GAB1: variants seen among roughly 807,000 people sequenced by gnomAD.
GAB1 encodes the protein GRB2 associated binding protein 1.
GAB1 carries 19 observed loss-of-function variants against 66.5 expected under a neutral mutation model. The ratio of observed to expected loss-of-function variants is 0.29; its 90% CI spans 0.20 to 0.42. GAB1 has a LOEUF of 0.42. GAB1 is among the 10% of genes least tolerant of loss of function. The probability of loss-of-function intolerance (pLI) is 1.00; values close to 1 mark genes in which losing one functional copy is unlikely to be tolerated. For missense variants in GAB1, 732 were observed against 858.5 expected (o/e 0.85, Z 1.84); for synonymous variants, 294 against 301.4 (o/e 0.98, Z 0.25).
intron 1 of GAB1, among the ~76,000 whole-genome samples, chr4:143,358,664 T>G (rs1581224023): frequency 6.6e-6 from 1 of 152,328 alleles, no homozygotes; most frequent in East Asian, 1.9e-4. Context: ...AGCATGTGTG[T>G]GTGAGAAGAA....
chr4:143,337,142 C>A lies in GAB1; in HGVS notation c.-47C>A. 2.0e-6 allele frequency: 3 copies of A among 1,526,528 alleles called. No individual in the cohort carries two copies. Among genetic ancestry groups the A allele is most frequent in the Non-Finnish European group, 2.7e-6 (3 of 1,127,156 alleles). The allele number at this position is 1,526,528 out of a possible 1,614,324, so 94.6% of individuals were successfully genotyped here. A position where few individuals can be genotyped will look rare whatever the true frequency, so the allele number is the denominator to read the frequency against. ...AGGCGTCGGCTGTGTCGGGAGCGCG[C>A]CCGCCGCCCCTCAGCTGCCCGGCCC... On this transcript the variant is annotated 5_prime_UTR_variant, in exon 1 of 10. Transcript: ENST00000262994.
intron 2 of GAB1, among the ~76,000 whole-genome samples, chr4:143,419,354 C>T (rs1174009564): frequency 1.3e-5 from 2 of 152,024 alleles, no homozygotes; most frequent in Non-Finnish European, 2.9e-5. Flanking sequence ...GATTCATAAG[C>T]GCTCTGCTAA....
intron 1 of GAB1, among the ~76,000 whole-genome samples, chr4:143,402,056 A>G (rs1490772387): frequency 7.3e-6 from 1 of 137,198 alleles, no homozygotes; most frequent in African/African-American, 2.5e-5. Flanking sequence ...TTATGTTTGC[A>G]GGGTTTTTTT....
In GAB1 at chr4:143,440,147, G is replaced by C; in HGVS notation, c.1350G>C (p.Met450Ile). ...SEELDENYVP[M>I]NPNSPPRQHS... ...AACTGGATGAAAATTACGTCCCAAT[G>C]AATCCCAATTCACCACCACGACAAC... is the stretch of plus-strand genomic sequence containing the variant. Residue 450 changes from methionine (M) to isoleucine (I), a missense_variant, in exon 6 of 10, where the codon ATG becomes ATC. Met to Ile is a conservative substitution (Grantham distance 10). Transcript: ENST00000262994. 6.2e-7 allele frequency: 1 copy of C among 1,614,168 alleles called. No homozygotes were observed. Among genetic ancestry groups the C allele is most frequent in the Non-Finnish European group, 8.5e-7 (1 of 1,180,014 alleles).
intron 1 of GAB1, among the ~76,000 whole-genome samples, chr4:143,355,291 A>C (rs993119661): frequency 7.2e-5 from 11 of 152,116 alleles, no homozygotes; most frequent in Non-Finnish European, 1.3e-4. Flanking sequence ...CCATTTCTAT[A>C]TCCACCTCCA....
intron 1 of GAB1, among the ~76,000 whole-genome samples, chr4:143,386,572 G>T (rs1371555396): frequency 6.6e-6 from 1 of 151,972 alleles, no homozygotes; most frequent in Non-Finnish European, 1.5e-5. Flanking sequence ...ATTTTTTATA[G>T]GGATGAAGTC....
intron 1 of GAB1, among the ~76,000 whole-genome samples, chr4:143,361,895 C>T (rs1427331583): frequency 6.7e-6 from 1 of 149,800 alleles, no homozygotes; most frequent in Non-Finnish European, 1.5e-5. Context: ...GAGTTTTCAG[C>T]TTTTGAAGTG....
intron 1 of GAB1, among the ~76,000 whole-genome samples, chr4:143,399,058 C>G (rs1375628495): frequency 1.3e-5 from 2 of 152,160 alleles, no homozygotes; most frequent in African/African-American, 4.8e-5. Flanking sequence ...GTGTCTTTTA[C>G]TTTACCTGTT....
At chr4:143,423,836 ATG>A (rs1733177973) in intron 2 of GAB1, among the ~76,000 whole-genome samples, 5 of 112,302 alleles carry the variant, frequency 4.5e-5, no homozygotes, top group South Asian at 3.0e-4. Flanking sequence ...ATATATATAT[ATG>A]TCTTCACGTG....
intron 1 of GAB1, among the ~76,000 whole-genome samples, chr4:143,397,354 T>C (rs981921040): frequency 2.0e-5 from 3 of 152,220 alleles, no homozygotes; most frequent in African/African-American, 7.2e-5. Context: ...GCAGGCATTT[T>C]TACAATATAG....
chr4:143,390,793 G>A (rs906493718), intron 1 of GAB1, among the ~76,000 whole-genome samples: 1 of 152,068 alleles, frequency 6.6e-6, no homozygotes. Flanking sequence ...AGAAATTCAG[G>A]CACCCAGATT....
intron 1 of GAB1, among the ~76,000 whole-genome samples, chr4:143,406,763 CTTTG>C (rs1398551042): frequency 2.0e-5 from 3 of 152,366 alleles, no homozygotes; most frequent in East Asian, 1.9e-4. Context: ...GCATGTTTAA[CTTTG>C]TTTGGCTCCC....
intron 2 of GAB1, chr4:143,425,372 C>G (rs1733284262): frequency 1.3e-6 from 1 of 759,974 alleles, no homozygotes; most frequent in Admixed American, 1.7e-5. Flanking sequence ...CTGGAACCTT[C>G]AGATGCAGAC....
chr4:143,443,763 A>G (rs1371241576), intron 6 of GAB1, among the ~76,000 whole-genome samples: 1 of 152,218 alleles, frequency 6.6e-6, no homozygotes, highest in African/African-American at 2.4e-5. Context: ...GGAAGGATCT[A>G]TAAGAAACCA....
At chr4:143,364,679 T>C (rs566240912) in intron 1 of GAB1, among the ~76,000 whole-genome samples, 53 of 152,144 alleles carry the variant, frequency 3.5e-4, no homozygotes, top group African/African-American at 1.2e-3. Flanking sequence ...GTTTCTCCTT[T>C]GTTCTGGGGG....
At chr4:143,387,191 A>G (rs1730957849) in intron 1 of GAB1, among the ~76,000 whole-genome samples, 1 of 152,162 alleles carries the variant, frequency 6.6e-6, no homozygotes, top group African/African-American at 2.4e-5. Flanking sequence ...GAATGCAATG[A>G]TGCTATCTTG....
At chr4:143,433,817 C>T in intron 3 of GAB1, 101 bp downstream of exon 3, 1 of 925,532 alleles carries the variant, frequency 1.1e-6, no homozygotes, top group Non-Finnish European at 1.7e-6. Flanking sequence ...GATTTGCAGG[C>T]TTGAAAGAGA....
intron 1 of GAB1, among the ~76,000 whole-genome samples, chr4:143,339,228 T>C (rs1728751998): frequency 6.6e-6 from 1 of 152,204 alleles, no homozygotes; most frequent in African/African-American, 2.4e-5. Context: ...TTAGACTAGG[T>C]TATCTCTAAA....
intron 2 of GAB1, among the ~76,000 whole-genome samples, chr4:143,431,775 G>T (rs963637707): frequency 6.6e-6 from 1 of 152,182 alleles, no homozygotes; most frequent in East Asian, 1.9e-4. Flanking sequence ...CAAGATGGAG[G>T]CCTGCAGCAA....
Sources: gnomAD v4.1 joint callset for allele counts (sites outside exome capture counted in the v4.1 genomes callset) on GRCh38, gnomAD v4.1.1 for gene constraint, MANE v1.5 for transcripts, NCBI Gene and HGNC (gene_info 2026-07-23, HGNC 2026-07-21) for gene names.